Variants in DACH1 observed in about 807,000 individuals in gnomAD.
The protein encoded by DACH1 is dachshund homolog 1.
In DACH1, 12 loss-of-function variants were observed where a neutral mutation model predicts 54.2. That is an observed-to-expected ratio of 0.22 (90% CI 0.14 to 0.36). DACH1 has a LOEUF of 0.36. DACH1 is among the 10% of genes least tolerant of loss of function. The pLI, the probability that DACH1 is intolerant of heterozygous loss-of-function variation, is 1.00. For synonymous variants in DACH1, 386 were observed against 366.2 expected (o/e 1.05, Z -0.62); for missense variants, 805 against 929.8 (o/e 0.87, Z 1.75).
intron 6 of DACH1, among the ~76,000 whole-genome samples, chr13:71,531,874 TTAAAA>T (rs1284025898): frequency 6.6e-6 from 1 of 151,978 alleles, no homozygotes; most frequent in Non-Finnish European, 1.5e-5. Flanking sequence ...GACCTCATTC[TTAAAA>T]TAAATATTAT....
rs190199012 is a variant in DACH1 at position 71,698,770 on chromosome 13, T to C, written c.849-16860A>G. On this transcript the variant is annotated intron_variant, in intron 1 of 10. Coordinates refer to ENST00000613252, the MANE Select transcript of DACH1 (RefSeq NM_080759.6). ...GCTATCAGTATTTTCCTCTTGTGGA[T>C]GCAATATGTTATTAAATCTTTACTT... Among the ~76,000 whole-genome samples the C allele has an allele frequency of 2.5e-3, 376 of 152,198 alleles. 3 individuals are homozygous for C. Among genetic ancestry groups the C allele is most frequent in the African/African-American group, 8.7e-3 (361 of 41,514 alleles).
At chr13:71,712,593 T>C (rs1185471173) in intron 1 of DACH1, among the ~76,000 whole-genome samples, 2 of 152,174 alleles carry the variant, frequency 1.3e-5, no homozygotes, top group Non-Finnish European at 2.9e-5. Flanking sequence ...TTTGAATTTT[T>C]AGCTGTATTC....
At chr13:71,574,716 A>C (rs1203920096) in intron 3 of DACH1, among the ~76,000 whole-genome samples, 1 of 152,080 alleles carries the variant, frequency 6.6e-6, no homozygotes, top group Non-Finnish European at 1.5e-5. Context: ...ATTTTATTAA[A>C]CAATGAAAAG....
intron 6 of DACH1, among the ~76,000 whole-genome samples, chr13:71,555,932 C>T (rs1021441148): frequency 5.3e-5 from 8 of 152,026 alleles, no homozygotes; most frequent in Admixed American, 1.3e-4. Flanking sequence ...CATGTTAGTA[C>T]CTAGATTATT....
intron 7 of DACH1, among the ~76,000 whole-genome samples, chr13:71,485,395 G>A (rs1055684367): frequency 1.3e-5 from 2 of 150,856 alleles, no homozygotes; most frequent in African/African-American, 2.4e-5. Context: ...ACACTCAAAT[G>A]TCAGGAAGTA....
intron 10 of DACH1, among the ~76,000 whole-genome samples, chr13:71,447,610 G>A (rs1874581734): frequency 6.6e-6 from 1 of 151,942 alleles, no homozygotes; most frequent in African/African-American, 2.4e-5. Flanking sequence ...GAGGCGGGTG[G>A]ATCACGAGGT....
At chr13:71,849,586 A>C (rs1320223095) in intron 1 of DACH1, among the ~76,000 whole-genome samples, 2 of 152,148 alleles carry the variant, frequency 1.3e-5, no homozygotes, top group African/African-American at 4.8e-5. Flanking sequence ...TGGAATCATT[A>C]TAGGAAGCTA....
At chr13:71,515,428 T>C (rs1881084048) in intron 6 of DACH1, among the ~76,000 whole-genome samples, 1 of 151,976 alleles carries the variant, frequency 6.6e-6, no homozygotes, top group Admixed American at 6.6e-5. Context: ...CATGTTAAAA[T>C]TAATGGGATG....
In DACH1 at chr13:71,857,379, A is replaced by T. The variant is rs139916683; in HGVS notation, c.848+8543T>A. Among the ~76,000 whole-genome samples the T allele has an allele frequency of 3.3e-3, 503 of 151,912 alleles. 5 individuals are homozygous for T. Among genetic ancestry groups the T allele is most frequent in the African/African-American group, 0.01 (436 of 41,538 alleles). On this transcript the variant is annotated intron_variant, in intron 1 of 10. Coordinates refer to ENST00000613252, the MANE Select transcript of DACH1 (RefSeq NM_080759.6). ...GTTTCATGTTTTTATGTGCTACAAA[A>T]AGGTAAAATTAAAGCCAATTGTATT... is the stretch of plus-strand genomic sequence containing the variant.
At chr13:71,440,730 T>C (rs868542991) in intron 10 of DACH1, 38 bp from the exon 11 acceptor site, 2 of 1,509,468 alleles carry the variant, frequency 1.3e-6, no homozygotes. Flanking sequence ...AATGGCATGG[T>C]ATTTGGGGTA....
chr13:71,619,570 ATTGAAATTG>A, intron 3 of DACH1, among the ~76,000 whole-genome samples: 2 of 152,136 alleles, frequency 1.3e-5, no homozygotes, highest in Admixed American at 1.3e-4. Flanking sequence ...ATGTAGAGAA[ATTGAAATTG>A]TACTTCAGTG....
chr13:71,467,183 G>T (rs1263391984), intron 10 of DACH1, among the ~76,000 whole-genome samples: 4 of 151,494 alleles, frequency 2.6e-5, no homozygotes, highest in Non-Finnish European at 5.9e-5. Flanking sequence ...CCCACAAGAG[G>T]CCTTCAGCAT....
intron 4 of DACH1, among the ~76,000 whole-genome samples, chr13:71,561,146 T>C (rs1046410248): frequency 6.6e-6 from 1 of 152,150 alleles, no homozygotes; most frequent in South Asian, 2.1e-4. Context: ...AGTGATTCCA[T>C]TAGCACCATG....
At chr13:71,647,266 A>G (rs1878346641) in intron 2 of DACH1, among the ~76,000 whole-genome samples, 1 of 152,222 alleles carries the variant, frequency 6.6e-6, no homozygotes, top group South Asian at 2.1e-4. Flanking sequence ...GCAAGTAAGA[A>G]AAATCCTCAA....
At chr13:71,553,856 G>T (rs959243571) in intron 6 of DACH1, among the ~76,000 whole-genome samples, 2 of 151,598 alleles carry the variant, frequency 1.3e-5, no homozygotes, top group Non-Finnish European at 2.9e-5. Context: ...AACATAAAAT[G>T]TTTAAGTTAC....
chr13:71,467,336 C>G lies in DACH1; in HGVS notation c.2083+7805G>C, dbSNP rs1401102621. 2.4e-4 allele frequency among the ~76,000 whole-genome samples: 26 copies of G among 106,278 alleles called. No homozygotes were observed. In the South Asian group the frequency reaches 2.9e-3, roughly 12 times the overall value. 69.7% of individuals were successfully genotyped at this position (106,278 alleles called of 152,430 possible). ...GACACAGGAAGGGGAACATCACACT[C>G]TGGGGACTGTTGTGGGGTGGGGGGA... On this transcript the variant is annotated intron_variant, in intron 10 of 10. Coordinates refer to ENST00000613252, the MANE Select transcript of DACH1 (RefSeq NM_080759.6).
At chr13:71,451,948 C>T (rs1875097539) in intron 10 of DACH1, among the ~76,000 whole-genome samples, 1 of 152,054 alleles carries the variant, frequency 6.6e-6, no homozygotes, top group Non-Finnish European at 1.5e-5. Context: ...TAGGTAAAGG[C>T]CCATAATATG....
intron 6 of DACH1, among the ~76,000 whole-genome samples, chr13:71,544,071 C>T (rs376508386): frequency 2.0e-5 from 3 of 152,098 alleles, no homozygotes; most frequent in Non-Finnish European, 2.9e-5. Flanking sequence ...TCTCTTAATA[C>T]GATAGTGATT....
At chr13:71,543,888 C>T (rs1300141909) in intron 6 of DACH1, among the ~76,000 whole-genome samples, 2 of 152,136 alleles carry the variant, frequency 1.3e-5, no homozygotes, top group Non-Finnish European at 2.9e-5. Context: ...CCAAGAAGAA[C>T]CACACCTTCT....
Sources: allele counts gnomAD v4.1 joint callset (sites outside exome capture counted in the v4.1 genomes callset), GRCh38; gene constraint gnomAD v4.1.1; transcripts MANE v1.5; gene names NCBI Gene and HGNC (gene_info 2026-07-23, HGNC 2026-07-21).